The following TM2D1 variants were observed in gnomAD, a reference collection of about 807,000 sequenced individuals.
TM2D1 encodes the protein TM2 domain containing 1.
A neutral mutation model predicts 28.4 loss-of-function variants in TM2D1; 15 were observed. The observed-to-expected ratio is 0.53, with a 90% CI of 0.35 to 0.81. The LOEUF (loss-of-function observed/expected upper bound fraction) is 0.81, where lower values mean the gene tolerates loss of function less well. TM2D1 is among the 40% of genes least tolerant of loss of function. The probability of loss-of-function intolerance (pLI) is 0.01; values close to 1 mark genes in which losing one functional copy is unlikely to be tolerated. For synonymous variants in TM2D1, 93 were observed against 96.2 expected (o/e 0.97, Z 0.20); for missense variants, 236 against 254.9 (o/e 0.93, Z 0.50).
intron 3 of TM2D1, among the ~76,000 whole-genome samples, chr1:61,708,931 G>A (rs1644458478): frequency 6.6e-6 from 1 of 151,986 alleles, no homozygotes; most frequent in Non-Finnish European, 1.5e-5. Flanking sequence ...TTGAGAGGCC[G>A]AGATGGGAGA....
intron 4 of TM2D1, 83 bp from the exon 5 acceptor site, chr1:61,694,853 T>TTATATA (rs10680868): frequency 1.1e-5 from 7 of 640,214 alleles, no homozygotes; most frequent in Non-Finnish European, 1.0e-5. Flanking sequence ...TAAACCATTA[T>TTATATA]TATATATATA....
intron 2 of TM2D1, among the ~76,000 whole-genome samples, chr1:61,718,154 C>CA (rs915961832): frequency 6.6e-6 from 1 of 151,906 alleles, no homozygotes; most frequent in African/African-American, 2.4e-5. Context: ...CCCATCTCTA[C>CA]AAAAAAATGC....
chr1:61,702,387 G>C (rs192100993), intron 3 of TM2D1, among the ~76,000 whole-genome samples: 1 of 138,428 alleles, frequency 7.2e-6, no homozygotes, highest in African/African-American at 2.8e-5. Context: ...TTTTTTTTTT[G>C]AGATGGAATC....
chr1:61,689,901 T>C (rs1232752878), intron 5 of TM2D1, among the ~76,000 whole-genome samples: 2 of 152,174 alleles, frequency 1.3e-5, no homozygotes, highest in Non-Finnish European at 2.9e-5. Context: ...AATGTTTGTG[T>C]CCCTACAAAA....
chr1:61,707,654 T>C (rs1386335528), intron 3 of TM2D1, among the ~76,000 whole-genome samples: 2 of 152,134 alleles, frequency 1.3e-5, no homozygotes, highest in African/African-American at 4.8e-5. Context: ...TAATGCAAAA[T>C]CTTGGAACCC....
chr1:61,691,921 T>TAAAAAA lies in TM2D1; in HGVS notation c.513+2770_513+2775dup, dbSNP rs1316880566. 5.3e-4 allele frequency among the ~76,000 whole-genome samples: 33 copies of TAAAAAA among 62,052 alleles called. 1 individual carries two copies. Among genetic ancestry groups the TAAAAAA allele is most frequent in the Admixed American group, 1.3e-3 (5 of 3,982 alleles). The allele number at this position is 62,052 out of a possible 152,430, so 40.7% of individuals were successfully genotyped here. On this transcript the variant is annotated intron_variant, in intron 5 of 6. Transcript: ENST00000606498. ...CGAAAACTCCATCTCAAAAAAAACT[T>TAAAAAA]AAAAAAAAAAAATATATATATATAT...
At chr1:61,717,224 C>T (rs1346589510) in intron 2 of TM2D1, among the ~76,000 whole-genome samples, 3 of 151,690 alleles carry the variant, frequency 2.0e-5, no homozygotes, top group East Asian at 1.9e-4. Context: ...AACAATTAGC[C>T]GGGCGTGGTG....
chr1:61,715,247 C>T (rs1223728189), intron 2 of TM2D1, among the ~76,000 whole-genome samples: 1 of 152,120 alleles, frequency 6.6e-6, no homozygotes, highest in Non-Finnish European at 1.5e-5. Flanking sequence ...TAGAACTAGA[C>T]AGATTTGGAT....
chr1:61,713,282 A>G (rs891353214), intron 2 of TM2D1, among the ~76,000 whole-genome samples: 17 of 151,938 alleles, frequency 1.1e-4, no homozygotes, highest in Non-Finnish European at 2.5e-4. Context: ...GTTCAAGACC[A>G]GTCTGGCCAA....
intron 3 of TM2D1, among the ~76,000 whole-genome samples, chr1:61,702,692 T>C (rs1355728765): frequency 1.3e-5 from 2 of 151,582 alleles, no homozygotes; most frequent in African/African-American, 4.8e-5. Flanking sequence ...ACCTTACCTA[T>C]ATAATATATA....
intron 2 of TM2D1, among the ~76,000 whole-genome samples, chr1:61,722,150 G>C (rs1644572672): frequency 6.6e-6 from 1 of 151,808 alleles, no homozygotes; most frequent in African/African-American, 2.4e-5. Context: ...GCTGGGCGTG[G>C]TGACGCACAC....
chr1:61,695,272 T>C (rs948681647), intron 4 of TM2D1, among the ~76,000 whole-genome samples: 3 of 152,170 alleles, frequency 2.0e-5, no homozygotes, highest in African/African-American at 7.2e-5. Flanking sequence ...CAATTACCTT[T>C]ATCTTATATA....
intron 3 of TM2D1, among the ~76,000 whole-genome samples, chr1:61,708,002 T>TA (rs1315148935): frequency 6.6e-6 from 1 of 152,136 alleles, no homozygotes; most frequent in Non-Finnish European, 1.5e-5. Context: ...AGCAGGAACA[T>TA]AAGAATGAAT....
chr1:61,708,858 A>AT (rs1414224966), intron 3 of TM2D1, among the ~76,000 whole-genome samples: 1 of 135,152 alleles, frequency 7.4e-6, no homozygotes, highest in African/African-American at 2.9e-5. Flanking sequence ...TTGCATTTAT[A>AT]AAAAAAAAAA....
At chr1:61,699,991 T>A in intron 4 of TM2D1, 1 of 739,372 alleles carries the variant, frequency 1.4e-6, no homozygotes. Context: ...GAAATAAGGT[T>A]AGCTTTGCTA....
chr1:61,683,321 C>T (rs997235554), intron 6 of TM2D1, 96 bp downstream of exon 6: 19 of 418,426 alleles, frequency 4.5e-5, no homozygotes, highest in Non-Finnish European at 5.8e-5. Context: ...GAGGTTTATA[C>T]GGTTTCTTAA....
chr1:61,691,957 ATATG>A (rs1256073367), intron 5 of TM2D1, among the ~76,000 whole-genome samples: 3 of 136,192 alleles, frequency 2.2e-5, no homozygotes, highest in African/African-American at 8.1e-5. Context: ...ATATATATAT[ATATG>A]TATATATATA....
At chr1:61,690,211 G>A (rs1263460516) in intron 5 of TM2D1, among the ~76,000 whole-genome samples, 3 of 152,178 alleles carry the variant, frequency 2.0e-5, no homozygotes, top group Admixed American at 1.3e-4. Flanking sequence ...AATCCCAGCA[G>A]TTTGGGAGGC....
chr1:61,696,428 A>G (rs1342896990), intron 4 of TM2D1, among the ~76,000 whole-genome samples: 1 of 151,754 alleles, frequency 6.6e-6, no homozygotes, highest in Non-Finnish European at 1.5e-5. Context: ...GATCCCAGCT[A>G]CTCAGGAGGC....
Sources: allele counts gnomAD v4.1 joint callset (sites outside exome capture counted in the v4.1 genomes callset), GRCh38; gene constraint gnomAD v4.1.1; transcripts MANE v1.5; gene names NCBI Gene and HGNC (gene_info 2026-07-23, HGNC 2026-07-21).